The following CIC variants were observed in gnomAD, a reference collection of about 807,000 sequenced individuals.
CIC encodes capicua transcriptional repressor.
A neutral mutation model predicts 115.7 loss-of-function variants in CIC; 18 were observed. That is an observed-to-expected ratio of 0.16 (90% CI 0.11 to 0.23). The LOEUF is 0.23. Among genes scored for constraint, CIC ranks in the 10% least tolerant of loss-of-function variants. CIC has a pLI of 1.00. For missense variants in CIC, 2,000 were observed against 2,159.3 expected (o/e 0.93, Z 1.46); for synonymous variants, 1,076 against 923.0 (o/e 1.17, Z -3.01).
rs764300546 is a variant in CIC, at chr19:42,292,745, G to A, written c.6082G>A (p.Val2028Ile). 3 of 1,613,674 alleles carry A rather than the reference G, an allele frequency of 1.9e-6. No homozygotes were observed. The highest frequency in any genetic ancestry group is 2.5e-6 in the Non-Finnish European group (3 of 1,179,916). ...GCCATCCCAGGCCCCCCCAAGCCTG[G>A]TCTACACTGTGGCCACCAGCACAAC... ...AQPSQAPPSL[V>I]YTVATSTTPP... is the part of the protein sequence containing the mutation. The change falls in exon 15 of 21, where the codon GTC becomes ATC. Residue 2028 changes from valine (V) to isoleucine (I), a missense_variant. Physicochemically the swap from Val to Ile is conservative, Grantham distance 29. Transcript: ENST00000681038.
At chr19:42,292,925 C>T (rs2147315761) in intron 15 of CIC, 31 bp from the exon 16 acceptor site, 2 of 1,613,970 alleles carry the variant, frequency 1.2e-6, no homozygotes, top group Non-Finnish European at 1.7e-6. Context: ...CCAGTCAGGC[C>T]TGGCTCAGCA....
At chr19:42,291,889 ACTCT>A (rs2038144869) in intron 12 of CIC, 144 bp downstream of exon 12, 6 of 1,292,390 alleles carry the variant, frequency 4.6e-6, no homozygotes, top group African/African-American at 1.5e-5. Context: ...GTGCATCCTG[ACTCT>A]CTCAAGTCCT....
At chr19:42,284,770 CG>C in intron 2 of CIC, 1 of 1,553,298 alleles carries the variant, frequency 6.4e-7, no homozygotes, top group Non-Finnish European at 8.7e-7. Context: ...TCGGCATGTT[CG>C]GTCAGTAGCG....
intron 2 of CIC, among the ~76,000 whole-genome samples, chr19:42,276,108 C>T (rs1328396652): frequency 6.6e-6 from 1 of 152,178 alleles, no homozygotes; most frequent in East Asian, 1.9e-4. Context: ...GAAGGGTGTG[C>T]AGATGTGAGC....
In CIC at chr19:42,295,078, G is replaced by A. The variant is rs1205133468; in HGVS notation, c.7441G>A (p.Ala2481Thr). 2.3e-5 allele frequency: 35 copies of A among 1,517,818 alleles called. No homozygotes were observed. In the South Asian group the frequency reaches 4.3e-4, roughly 19 times the overall value. The allele number at this position is 1,517,818 out of a possible 1,614,324, so 94.0% of individuals were successfully genotyped here. A position where few individuals can be genotyped will look rare whatever the true frequency, so the allele number is the denominator to read the frequency against. ...PSSDSGTAQA[A>T]PPLPPPPESG... is the part of the protein sequence containing the mutation. ...CTCGGACTCTGGCACGGCCCAGGCT[G>A]CCCCGCCACTGCCTCCACCCCCAGA... is the stretch of plus-strand genomic sequence containing the variant. The change falls in exon 21 of 21, where the codon GCC (alanine) becomes ACC (threonine). Residue 2481 changes from alanine to threonine, a missense_variant. This residue lies in a region of CIC where 133 missense variants were observed against 116.0 expected (regional missense o/e 1.15). Coordinates refer to ENST00000681038, the MANE Select transcript of CIC (RefSeq NM_001386298.1).
intron 17 of CIC, 27 bp from the exon 18 acceptor site, chr19:42,293,908 G>C (rs1161896236): frequency 1.9e-6 from 3 of 1,612,738 alleles, no homozygotes; most frequent in Non-Finnish European, 2.5e-6. Flanking sequence ...GGCTGAGGCG[G>C]GGGAGGTGAC....
In CIC at chr19:42,289,011, C is replaced by T. The variant is rs1277468069; in HGVS notation, c.3782C>T (p.Pro1261Leu). 1 of 1,613,754 alleles carries T rather than the reference C, an allele frequency of 6.2e-7. No individual in the cohort carries two copies. The highest frequency in any genetic ancestry group is 1.3e-5 in the African/African-American group (1 of 74,926). Residue 1261 changes from proline to leucine, a missense_variant, in exon 8 of 21, where the codon CCC (proline) becomes CTC (leucine). Pro to Leu is a moderately conservative substitution (Grantham distance 98, BLOSUM62 -3). Around this residue, in one of 8 missense-constraint regions of CIC, gnomAD observed 1,466 missense variants for 1,390.4 expected, o/e 1.05. Coordinates refer to ENST00000681038, the MANE Select transcript of CIC (RefSeq NM_001386298.1). ...HTVGGPGSAR[P>L]RAFSHSGVHS... ...GTTGGGGGACCTGGCTCAGCCCGGC[C>T]CCGAGCTTTCTCCCACAGCGGGGTA...
At position 42,286,823 on chromosome 19, in the gene CIC, A is replaced by G. The variant is rs1307146882; in HGVS notation, c.2847A>G (p.Leu949=). The change falls in exon 3 of 21, where the codon TTA becomes TTG. Residue 949 remains leucine, a synonymous_variant. Coordinates refer to ENST00000681038, the MANE Select transcript of CIC (RefSeq NM_001386298.1). ...RSVAVFPWHS[L]VPFLAPSQPD... is the part of the protein sequence containing the mutation. The stretch of plus-strand genomic sequence containing the variant: ...TGGCTGTGTTCCCTTGGCACTCCTT[A>G]GTCCCCTTCCTGGCACCCAGCCAGC... 1 of 1,613,758 alleles carries G rather than the reference A, an allele frequency of 6.2e-7. No homozygotes were observed. The highest frequency in any genetic ancestry group is 8.5e-7 in the Non-Finnish European group (1 of 1,179,968).
rs201587160 is a variant in CIC, at chr19:42,290,292, C to G, written c.4251C>G (p.Pro1417=). Reference sequence around the variant, plus strand: ...GTTCCTCCTTTACCCACTGCCGCCCCCCACTGGACCCTGAGCCCCCAGGGC... The same window carrying G: ...GTTCCTCCTTTACCCACTGCCGCCCGCCACTGGACCCTGAGCCCCCAGGGC... ...VIRSSFTHCR[P]PLDPEPPGPP... Residue 1417 remains proline, a synonymous_variant, in exon 11 of 21, where the codon CCC becomes CCG. Transcript: ENST00000681038. 5.0e-6 allele frequency: 8 copies of G among 1,613,990 alleles called. No individual in the cohort carries two copies. The Admixed American group carries it at 8.3e-5, about 17-fold the overall frequency.
rs2147357323 is a variant in CIC, at chr19:42,294,999, T to C, written c.7362T>C (p.Ala2454=). The change falls in exon 21 of 21, where the codon GCT becomes GCC. Residue 2454 remains alanine, a synonymous_variant. Transcript: ENST00000681038. ...TACCGCCCCCCACTGGCACCGCTGC[T>C]GCCCCTGCCCCCACTCCCAGCCCCG... is the stretch of plus-strand genomic sequence containing the variant. ...LPVPPPTGTA[A]APAPTPSPAG... The C allele has an allele frequency of 6.3e-7, 1 of 1,593,118 alleles. No individual in the cohort carries two copies. Among genetic ancestry groups the C allele is most frequent in the Non-Finnish European group, 8.5e-7 (1 of 1,177,066 alleles).
intron 7 of CIC, among the ~76,000 whole-genome samples, 169 bp downstream of exon 7, chr19:42,288,144 AG>A (rs2037792316): frequency 6.6e-6 from 1 of 152,224 alleles, no homozygotes. Context: ...TGACGGAGCC[AG>A]GGAGATCCAC....
chr19:42,295,289 C>A lies in CIC; in HGVS notation c.*98C>A. The A allele has an allele frequency of 8.9e-7, 1 of 1,119,214 alleles. No homozygotes were observed. The highest frequency in any genetic ancestry group is 1.4e-5 in the South Asian group (1 of 70,752). The allele number at this position is 1,119,214 out of a possible 1,614,324, so 69.3% of individuals were successfully genotyped here. On this transcript the variant is annotated 3_prime_UTR_variant, in exon 21 of 21. Coordinates refer to ENST00000681038, the MANE Select transcript of CIC (RefSeq NM_001386298.1). ...TATCTCCTCCCGGGTAAAGCCATTT[C>A]GTCCTCTCCAGTTTGGGGCGGAATG...
In CIC at chr19:42,289,161, C is replaced by T. The variant is rs200751832; in HGVS notation, c.3862-20C>T. On this transcript the variant is annotated intron_variant, in intron 8 of 20. Transcript: ENST00000681038. ...CAGGGCAGCAGCCCCGCTGAACCCTCTCTGCCACCTATCCTGCAGATGGTG... is the reference window on the plus strand; with the variant it reads ...CAGGGCAGCAGCCCCGCTGAACCCTTTCTGCCACCTATCCTGCAGATGGTG... 3.7e-6 allele frequency: 6 copies of T among 1,613,286 alleles called. No homozygotes were observed. In the African/African-American group the frequency reaches 5.3e-5, roughly 14 times the overall value.
At chr19:42,284,617 G>A (rs2037481106) in intron 2 of CIC, 3 of 904,994 alleles carry the variant, frequency 3.3e-6, no homozygotes, top group Middle Eastern at 3.4e-4. Context: ...GGGCCCAAGC[G>A]GCGACGGCCG....
At chr19:42,283,290 A>G (rs1180827804) in intron 2 of CIC, among the ~76,000 whole-genome samples, 2 of 151,996 alleles carry the variant, frequency 1.3e-5, no homozygotes, top group Admixed American at 1.3e-4. Flanking sequence ...GTCTGTTTGC[A>G]TGATTCATGT....
intron 2 of CIC, 140 bp from the exon 3 acceptor site, chr19:42,286,631 A>G: frequency 1.0e-6 from 1 of 991,568 alleles, no homozygotes; most frequent in South Asian, 1.4e-5. Context: ...CGTTGCATGG[A>G]CGAGTCCAAG....
chr19:42,292,436 G>A lies in CIC; in HGVS notation c.5872G>A (p.Gly1958Ser), dbSNP rs1360243390. Residue 1958 changes from glycine to serine, a missense_variant, in exon 14 of 21, where the codon GGC becomes AGC. Gly to Ser is a moderately conservative substitution (Grantham distance 56). Transcript: ENST00000681038. ...ALGFTSLGPSGPAFVQPLLSA... is the reference protein window; with the variant it reads ...ALGFTSLGPSSPAFVQPLLSA... ...AGGCTTCACCTCGCTGGGGCCCAGC[G>A]GCCCCGCCTTCGTGCAGCCCCTGCT... The A allele has an allele frequency of 2.5e-5, 40 of 1,611,072 alleles. No individual in the cohort carries two copies. The highest frequency in any genetic ancestry group is 3.2e-5 in the Non-Finnish European group (38 of 1,178,760).
rs183418193 is a variant in CIC at position 42,288,507 on chromosome 19, C to G, written c.3659-381C>G. On this transcript the variant is annotated intron_variant, in intron 7 of 20. Coordinates refer to ENST00000681038, the MANE Select transcript of CIC (RefSeq NM_001386298.1). The stretch of plus-strand genomic sequence containing the variant: ...GAGTGAGCCTATGGGTATGGCAGTT[C>G]TGTGAGGTTAGATGGATAGTTGCTA... Among the ~76,000 whole-genome samples, 914 of 152,220 alleles carry G rather than the reference C, an allele frequency of 6.0e-3. 8 individuals carry two copies. Among genetic ancestry groups the G allele is most frequent in the African/African-American group, 0.021 (882 of 41,514 alleles).
At position 42,286,767 on chromosome 19, in the gene CIC, A is replaced by G. The variant is rs1167882742; in HGVS notation, c.2795-4A>G. 3.7e-6 allele frequency: 6 copies of G among 1,613,896 alleles called. No individual in the cohort carries two copies. The highest frequency in any genetic ancestry group is 1.7e-5 in the Admixed American group (1 of 60,012). On this transcript the variant is annotated splice_polypyrimidine_tract_variant and splice_region_variant and intron_variant, in intron 2 of 20. Coordinates refer to ENST00000681038, the MANE Select transcript of CIC (RefSeq NM_001386298.1). ...TGCACAGCTCACCTGGCTCCTTTCC[A>G]CAGTGTGGACGAATGTGGAACCTCG...
Sources: gnomAD v4.1 joint callset for allele counts (sites outside exome capture counted in the v4.1 genomes callset) on GRCh38, gnomAD v4.1.1 for gene constraint, gnomAD v4.1.1 regional missense constraint, MANE v1.5 for transcripts, NCBI Gene and HGNC (gene_info 2026-07-23, HGNC 2026-07-21) for gene names.